Variants in ATP7A observed in about 807,000 individuals in gnomAD.
ATP7A encodes copper-transporting ATPase 1.
Under a neutral mutation model 83.5 loss-of-function variants are expected in ATP7A, and 7 were observed. The ratio of observed to expected loss-of-function variants is 0.08; its 90% confidence interval spans 0.05 to 0.16. The LOEUF (loss-of-function observed/expected upper bound fraction) is 0.16. Ranked by LOEUF, ATP7A falls within the 10% of genes least tolerant of loss-of-function variation. The probability of loss-of-function intolerance (pLI) is 1.00; values close to 1 mark genes in which losing one functional copy is unlikely to be tolerated. For synonymous variants in ATP7A, 354 were observed against 395.2 expected (o/e 0.90, Z 1.24); for missense variants, 940 against 1,120.8 (o/e 0.84, Z 2.30).
Position 77,986,774 on chromosome X carries a change from C to T in ATP7A, c.121-1468C>T, listed in dbSNP as rs781799593. 1.1e-4 allele frequency among the ~76,000 whole-genome samples: 12 copies of T among 111,780 alleles called. No individual in the cohort carries two copies. In the South Asian group the frequency reaches 2.2e-3, roughly 21 times the overall value. On this transcript the variant is annotated intron_variant, in intron 2 of 22. Coordinates refer to ENST00000341514, the MANE Select transcript of ATP7A (RefSeq NM_000052.7). ...CTCTATTGCACTACTTTTGCAATTG[C>T]AGTAGCCTCCTAGCTGATAGTCCTC... is the stretch of plus-strand genomic sequence containing the variant.
intron 1 of ATP7A, among the ~76,000 whole-genome samples, chrX:77,930,993 T>TC (rs2077269345): frequency 2.3e-5 from 1 of 42,990 alleles, no homozygotes; most frequent in African/African-American, 8.9e-5. Flanking sequence ...TTCTTTTTTT[T>TC]TTTTTTTTTT....
intron 7 of ATP7A, chrX:78,009,538 A>G: frequency 3.2e-6 from 1 of 316,403 alleles, no homozygotes. Context: ...AAATGGAAAT[A>G]AAGTATAATT....
At chrX:77,932,439 C>G (rs371342547) in intron 1 of ATP7A, among the ~76,000 whole-genome samples, 6 of 102,133 alleles carry the variant, frequency 5.9e-5, no homozygotes, top group South Asian at 4.5e-4. Flanking sequence ...CCAGGCAGAG[C>G]GGCTCCTCAC....
intron 1 of ATP7A, among the ~76,000 whole-genome samples, chrX:77,959,740 A>G (rs1419092604): frequency 1.8e-5 from 2 of 112,410 alleles, no homozygotes; most frequent in Non-Finnish European, 3.8e-5. Context: ...ATGGACATCT[A>G]GATTATTTCC....
intron 1 of ATP7A, 113 bp downstream of exon 1, chrX:77,910,948 A>G (rs2077156720): frequency 9.0e-6 from 1 of 111,512 alleles, no homozygotes; most frequent in African/African-American, 3.3e-5. Context: ...GCAGTCTCGA[A>G]AGTTTCACTT....
At chrX:77,937,169 G>A (rs2077324425) in intron 1 of ATP7A, among the ~76,000 whole-genome samples, 1 of 112,347 alleles carries the variant, frequency 8.9e-6, no homozygotes, top group Non-Finnish European at 1.9e-5. Flanking sequence ...GCTAACGAGG[G>A]AGGTTGTATG....
At chrX:78,039,399 T>C (rs1427148069) in intron 18 of ATP7A, among the ~76,000 whole-genome samples, 1 of 111,434 alleles carries the variant, frequency 9.0e-6, no homozygotes, top group Admixed American at 9.6e-5. Flanking sequence ...AATGATGTGA[T>C]TCGGCTCACT....
chrX:77,935,737 A>C (rs1557224992), intron 1 of ATP7A, among the ~76,000 whole-genome samples: 1 of 112,222 alleles, frequency 8.9e-6, no homozygotes, highest in East Asian at 2.8e-4. Context: ...AGCCAGAGCC[A>C]GGATTTGACA....
chrX:77,941,266 A>G (rs1414891636), intron 1 of ATP7A, among the ~76,000 whole-genome samples: 4 of 112,206 alleles, frequency 3.6e-5, no homozygotes, highest in African/African-American at 1.3e-4. Flanking sequence ...TTAATCAAAA[A>G]GGAACTAATT....
chrX:77,984,364 G>A (rs1215892124), intron 2 of ATP7A, among the ~76,000 whole-genome samples: 1 of 103,287 alleles, frequency 9.7e-6, no homozygotes, highest in African/African-American at 3.6e-5. Context: ...GTCTTGTTTT[G>A]CCGCCCAGCC....
At chrX:78,011,380 G>A in intron 8 of ATP7A, 69 bp from the exon 9 acceptor site, 1 of 1,061,650 alleles carries the variant, frequency 9.4e-7, no homozygotes, top group Non-Finnish European at 1.3e-6. Context: ...TCTCTCTGTA[G>A]TATGTAGAAT....
At chrX:77,936,060 T>C (rs1557225011) in intron 1 of ATP7A, among the ~76,000 whole-genome samples, 1 of 112,317 alleles carries the variant, frequency 8.9e-6, no homozygotes, top group East Asian at 2.8e-4. Context: ...ATTTAACTGA[T>C]TCAAGTATTA....
intron 15 of ATP7A, 152 bp from the exon 16 acceptor site, chrX:78,031,248 C>G: frequency 1.9e-6 from 1 of 518,520 alleles, no homozygotes; most frequent in Non-Finnish European, 3.2e-6. Flanking sequence ...TTTATTTTCC[C>G]GAAGACCATC....
chrX:78,020,158 G>T lies in ATP7A; in HGVS notation c.2627-86G>T. ...TTGTTCAGATTCTATTTTATATCTAGATATTTTTGACAAGTAACAAATAAT... is the reference window on the plus strand; with the variant it reads ...TTGTTCAGATTCTATTTTATATCTATATATTTTTGACAAGTAACAAATAAT... On this transcript the variant is annotated intron_variant, in intron 12 of 22. Coordinates refer to ENST00000341514, the MANE Select transcript of ATP7A (RefSeq NM_000052.7). 2.9e-6 allele frequency: 3 copies of T among 1,048,788 alleles called. No homozygotes were observed. In the African/African-American group the frequency reaches 5.5e-5, roughly 19 times the overall value. The allele number at this position is 1,048,788 out of a possible 1,213,427, so 86.4% of individuals were successfully genotyped here.
chrX:78,010,570 CTTTTTTTTTT>C (rs5902761), intron 7 of ATP7A, among the ~76,000 whole-genome samples: 2 of 51,589 alleles, frequency 3.9e-5, no homozygotes, highest in African/African-American at 9.0e-5. Context: ...ATGGTGCTAG[CTTTTTTTTTT>C]TTTTTTTTTT....
chrX:78,029,472 G>A (rs2077969085), intron 15 of ATP7A, 28 bp downstream of exon 15: 2 of 1,169,120 alleles, frequency 1.7e-6, no homozygotes, highest in Non-Finnish European at 2.3e-6. Flanking sequence ...ACTAAAACCT[G>A]TACCACCAAA....
At chrX:77,911,101 A>C (rs1162300096) in intron 1 of ATP7A, among the ~76,000 whole-genome samples, 1 of 112,453 alleles carries the variant, frequency 8.9e-6, no homozygotes, top group Non-Finnish European at 1.9e-5. Context: ...TACGTTACCC[A>C]ATTAATTGAG....
intron 1 of ATP7A, among the ~76,000 whole-genome samples, chrX:77,957,573 A>T (rs2077452256): frequency 9.1e-6 from 1 of 109,441 alleles, no homozygotes; most frequent in Non-Finnish European, 1.9e-5. Context: ...ATTTTCTCCC[A>T]TTCTGTAGAT....
rs1557238245 is a variant in ATP7A at position 78,040,586 on chromosome X, A to G, written c.3659-5A>G. On this transcript the variant is annotated splice_region_variant and splice_polypyrimidine_tract_variant and intron_variant, in intron 18 of 22. Coordinates refer to ENST00000341514, the MANE Select transcript of ATP7A (RefSeq NM_000052.7). ...TTCTTTTATTTTGTGCTGCCCCTATATTAGATGAGCTGTGTGGCTTGATAG... is the reference window on the plus strand; with the variant it reads ...TTCTTTTATTTTGTGCTGCCCCTATGTTAGATGAGCTGTGTGGCTTGATAG... 1 of 1,210,035 alleles carries G rather than the reference A, an allele frequency of 8.3e-7. No individual in the cohort carries two copies. Among genetic ancestry groups the G allele is most frequent in the Non-Finnish European group, 1.1e-6 (1 of 893,959 alleles).
Sources: allele counts gnomAD v4.1 joint callset (sites outside exome capture counted in the v4.1 genomes callset), GRCh38; gene constraint gnomAD v4.1.1; transcripts MANE v1.5; gene names NCBI Gene and HGNC (gene_info 2026-07-23, HGNC 2026-07-21).